The following CACNA1C variants were observed in gnomAD, a reference collection of about 807,000 sequenced individuals.
CACNA1C encodes calcium voltage-gated channel subunit alpha1 C, also known as voltage-dependent L-type calcium channel subunit alpha-1C.
Under a neutral mutation model 229.0 loss-of-function variants are expected in CACNA1C, and 30 were observed. That is an observed-to-expected ratio of 0.13 (90% CI 0.10 to 0.18). CACNA1C has a LOEUF of 0.18. CACNA1C is among the 10% of genes least tolerant of loss of function. CACNA1C has a pLI of 1.00. For missense variants in CACNA1C, 1,658 were observed against 2,845.0 expected (o/e 0.58, Z 9.49); for synonymous variants, 1,114 against 1,132.5 (o/e 0.98, Z 0.33).
At chr12:2,200,306 G>A (rs2097545179) in intron 3 of CACNA1C, among the ~76,000 whole-genome samples, 1 of 152,190 alleles carries the variant, frequency 6.6e-6, no homozygotes, top group African/African-American at 2.4e-5. Context: ...CTCTTGAGGA[G>A]TGTTTACCAA....
At chr12:2,519,342 C>T (rs2099804944) in intron 9 of CACNA1C, among the ~76,000 whole-genome samples, 1 of 152,220 alleles carries the variant, frequency 6.6e-6, no homozygotes, top group Admixed American at 6.5e-5. Context: ...GGCAAAGCAC[C>T]TTCTGCCATG....
Position 2,054,087 on chromosome 12 carries a change from C to T in CACNA1C, c.49+476C>T, listed in dbSNP as rs1291915894. Among the ~76,000 whole-genome samples, 1 of 148,964 alleles carries T rather than the reference C, an allele frequency of 6.7e-6. No homozygotes were observed. Among genetic ancestry groups the T allele is most frequent in the Non-Finnish European group, 1.5e-5 (1 of 67,064 alleles). ...CGGCAGAGCCCGGCGCCCACGGCCG[C>T]CCCTGGGGCGCCCTCGCGCTGCCCG... On this transcript the variant is annotated intron_variant, in intron 1 of 46. Transcript: ENST00000399655. The surrounding 1 kb of genome is among the most constrained non-coding windows in gnomAD (Gnocchi z 5.5).
intron 3 of CACNA1C, among the ~76,000 whole-genome samples, chr12:2,241,059 C>T (rs952592425): frequency 2.6e-5 from 4 of 152,114 alleles, no homozygotes; most frequent in Non-Finnish European, 4.4e-5. Context: ...CCAAGGTTTA[C>T]ATAACCAGTA....
chr12:2,282,489 C>T (rs2091588482), intron 3 of CACNA1C, among the ~76,000 whole-genome samples: 1 of 152,172 alleles, frequency 6.6e-6, no homozygotes, highest in African/African-American at 2.4e-5. Context: ...CAAGTCAACA[C>T]CCGGAAGAAA....
rs183486570 is a variant in CACNA1C, at chr12:2,539,173, G to C, written c.1391-10770G>C. On this transcript the variant is annotated intron_variant, in intron 9 of 46. Transcript: ENST00000399655. ...GGGGTATGTCGGTCAGTGTCCCCATGGAAACAGTAGGTACTCTTAAACTAG... is the reference window on the plus strand; with the variant it reads ...GGGGTATGTCGGTCAGTGTCCCCATCGAAACAGTAGGTACTCTTAAACTAG... Among the ~76,000 whole-genome samples, 8 of 152,340 alleles carry C rather than the reference G, an allele frequency of 5.3e-5. 1 individual carries two copies. The highest frequency in any genetic ancestry group is 1.2e-4 in the Non-Finnish European group (8 of 68,034).
chr12:2,071,797 CT>C (rs2061436692), intron 1 of CACNA1C, among the ~76,000 whole-genome samples: 1 of 152,144 alleles, frequency 6.6e-6, no homozygotes, highest in Non-Finnish European at 1.5e-5. Context: ...GGAAGTTCTA[CT>C]TTTTCAAATA....
chr12:2,678,227 A>G lies in CACNA1C; in HGVS notation c.5091+360A>G, dbSNP rs1261087710. ...GGCTTGTTTTGTTTGTTAATATTTG[A>G]AAATCAAGACTTCTGGCATTCTTTG... is the stretch of plus-strand genomic sequence containing the variant. On this transcript the variant is annotated intron_variant, in intron 41 of 46. Coordinates refer to ENST00000399655, the MANE Select transcript of CACNA1C (RefSeq NM_000719.7). The surrounding 1 kb of genome is among the most constrained non-coding windows in gnomAD (Gnocchi z 4.1). Among the ~76,000 whole-genome samples, 4 of 152,178 alleles carry G rather than the reference A, an allele frequency of 2.6e-5. No individual in the cohort carries two copies. The highest frequency in any genetic ancestry group is 9.7e-5 in the African/African-American group (4 of 41,434).
chr12:2,063,289 C>T (rs1316533409), intron 1 of CACNA1C, among the ~76,000 whole-genome samples: 3 of 151,966 alleles, frequency 2.0e-5, no homozygotes, highest in Admixed American at 6.6e-5. Context: ...GTAGCTGGGA[C>T]TACAGGCACC....
chr12:2,348,753 C>T lies in CACNA1C; in HGVS notation c.478-100223C>T, dbSNP rs1050316091. Among the ~76,000 whole-genome samples, 14 of 152,046 alleles carry T rather than the reference C, an allele frequency of 9.2e-5. No homozygotes were observed. The highest frequency in any genetic ancestry group is 2.9e-4 in the African/African-American group (12 of 41,400). On this transcript the variant is annotated intron_variant, in intron 3 of 46. Coordinates refer to ENST00000399655, the MANE Select transcript of CACNA1C (RefSeq NM_000719.7). This position sits in a 1 kb window ranked among gnomAD's most constrained non-coding sequence, Gnocchi z 4.7. ...TGTCTCGGGGGAAAGGTTCCTTCCT[C>T]GGGAACTGGGTGGCATGGGAGAGTA... is the stretch of plus-strand genomic sequence containing the variant.
At chr12:2,657,505 A>C (rs184704962) in intron 34 of CACNA1C, among the ~76,000 whole-genome samples, 3 of 152,290 alleles carry the variant, frequency 2.0e-5, no homozygotes, top group Non-Finnish European at 4.4e-5. Flanking sequence ...TATATTCTAA[A>C]CCACTAGAGG....
intron 9 of CACNA1C, among the ~76,000 whole-genome samples, chr12:2,546,589 C>G (rs1599612730): frequency 6.6e-6 from 1 of 152,220 alleles, no homozygotes; most frequent in African/African-American, 2.4e-5. Context: ...TCGTGCTCTC[C>G]CGTGCAGTGG....
chr12:2,215,448 T>C lies in CACNA1C; in HGVS notation c.477+95018T>C, dbSNP rs2059729175. ...GTGGGGCCTGTTCCTCTGGGTGGGATGCGCTCTCCCTCCTCCTAGGCTTGG... is the reference window on the plus strand; with the variant it reads ...GTGGGGCCTGTTCCTCTGGGTGGGACGCGCTCTCCCTCCTCCTAGGCTTGG... On this transcript the variant is annotated intron_variant, in intron 3 of 46. Transcript: ENST00000399655. The surrounding 1 kb of genome is among the most constrained non-coding windows in gnomAD (Gnocchi z 5.0). 6.6e-6 allele frequency among the ~76,000 whole-genome samples: 1 copy of C among 152,036 alleles called. No individual in the cohort carries two copies. The highest frequency in any genetic ancestry group is 1.5e-5 in the Non-Finnish European group (1 of 68,000).
intron 3 of CACNA1C, among the ~76,000 whole-genome samples, chr12:2,385,686 T>G (rs1256582554): frequency 6.6e-6 from 1 of 152,234 alleles, no homozygotes; most frequent in East Asian, 1.9e-4. Context: ...ATTGCTTCTG[T>G]TTAAAAGTCT....
intron 1 of CACNA1C, among the ~76,000 whole-genome samples, chr12:2,013,781 A>C (rs1192126745): frequency 1.3e-5 from 2 of 152,224 alleles, no homozygotes; most frequent in African/African-American, 4.8e-5. Context: ...AGTTTTTCTT[A>C]TCTCTAATAA....
At chr12:2,218,093 T>C (rs1042042942) in intron 3 of CACNA1C, among the ~76,000 whole-genome samples, 2 of 152,196 alleles carry the variant, frequency 1.3e-5, no homozygotes, top group Non-Finnish European at 2.9e-5. Flanking sequence ...CCAGATTCTT[T>C]CTCGGTCTCT....
rs867429893 is a variant in CACNA1C, at chr12:2,438,280, A to C, written c.478-10696A>C. Among the ~76,000 whole-genome samples the C allele has an allele frequency of 1.0e-4, 5 of 49,364 alleles. No homozygotes were observed. The South Asian group carries it at 4.4e-3, about 43-fold the overall frequency. 32.4% of individuals were successfully genotyped at this position (49,364 alleles called of 152,430 possible). ...TGGTGATGGTGGTGGTGGTAATGAT[A>C]GTGGTAATGATGGTGGTGGTGGTGG... On this transcript the variant is annotated intron_variant, in intron 3 of 46. Coordinates refer to ENST00000399655, the MANE Select transcript of CACNA1C (RefSeq NM_000719.7).
chr12:2,358,840 GTTC>G (rs1280517273), intron 3 of CACNA1C, among the ~76,000 whole-genome samples: 2 of 152,090 alleles, frequency 1.3e-5, no homozygotes, highest in Non-Finnish European at 2.9e-5. Flanking sequence ...TGCAGTCAGT[GTTC>G]TTCTGGGCCC....
At chr12:2,395,398 T>A (rs1323692799) in intron 3 of CACNA1C, among the ~76,000 whole-genome samples, 1 of 152,148 alleles carries the variant, frequency 6.6e-6, no homozygotes, top group Non-Finnish European at 1.5e-5. Context: ...CTTGTATTTT[T>A]AGTAAAGATG....
intron 3 of CACNA1C, among the ~76,000 whole-genome samples, chr12:2,448,147 AGTTT>A (rs1331482852): frequency 6.6e-6 from 1 of 152,178 alleles, no homozygotes; most frequent in Non-Finnish European, 1.5e-5. Flanking sequence ...TGAGCCAACA[AGTTT>A]GTCCTGTTCG....
Sources: allele counts gnomAD v4.1 joint callset (sites outside exome capture counted in the v4.1 genomes callset), GRCh38; gene constraint gnomAD v4.1.1; non-coding constraint Gnocchi (gnomAD v3.1); transcripts MANE v1.5; gene names NCBI Gene and HGNC (gene_info 2026-07-23, HGNC 2026-07-21).